ST18: variants seen among roughly 807,000 people sequenced by gnomAD.
The protein encoded by ST18 is ST18 C2H2C-type zinc finger transcription factor.
ST18 carries 50 observed loss-of-function variants against 110.0 expected under a neutral mutation model. The ratio of observed to expected loss-of-function variants is 0.45; its 90% CI spans 0.36 to 0.58. The LOEUF is 0.58. ST18 is among the 20% of genes least tolerant of loss of function. The probability of loss-of-function intolerance (pLI) is 0.00; values close to 1 mark genes in which losing one functional copy is unlikely to be tolerated. For synonymous variants in ST18, 461 were observed against 452.4 expected (o/e 1.02, Z -0.24); for missense variants, 1,306 against 1,280.1 (o/e 1.02, Z -0.31).
intron 16 of ST18, among the ~76,000 whole-genome samples, chr8:52,148,836 T>C (rs919471343): frequency 2.0e-5 from 3 of 152,070 alleles, no homozygotes; most frequent in South Asian, 2.1e-4. Context: ...TCAAATTAGA[T>C]CTCATCACCC....
chr8:52,390,326 T>C (rs1384081336), intron 2 of ST18, among the ~76,000 whole-genome samples: 1 of 152,116 alleles, frequency 6.6e-6, no homozygotes, highest in African/African-American at 2.4e-5. Context: ...TGAAAAGCAA[T>C]GAAGCCAGCA....
At chr8:52,349,715 T>C (rs1029652727) in intron 2 of ST18, among the ~76,000 whole-genome samples, 5 of 152,212 alleles carry the variant, frequency 3.3e-5, no homozygotes, top group Non-Finnish European at 7.3e-5. Context: ...ATCTAGGTTT[T>C]CTGTGTATCA....
intron 8 of ST18, among the ~76,000 whole-genome samples, chr8:52,196,502 T>C (rs1376429454): frequency 6.6e-6 from 1 of 152,158 alleles, no homozygotes; most frequent in African/African-American, 2.4e-5. Context: ...AGTCCCCCCT[T>C]GTCCGTGCTT....
chr8:52,254,880 G>A (rs1205546361), intron 2 of ST18, among the ~76,000 whole-genome samples: 1 of 152,116 alleles, frequency 6.6e-6, no homozygotes, highest in Non-Finnish European at 1.5e-5. Flanking sequence ...GAGTAATTAG[G>A]TGTAATTCCT....
chr8:52,165,733 A>G (rs2133405590), intron 11 of ST18, among the ~76,000 whole-genome samples: 1 of 152,344 alleles, frequency 6.6e-6, no homozygotes, highest in East Asian at 1.9e-4. Flanking sequence ...CCAGAGAACC[A>G]GTCTGAGGAA....
At position 52,230,092 on chromosome 8, in the gene ST18, C is replaced by A. The variant is rs557163572; in HGVS notation, c.-464-15G>T. ...TTCCATCACTCCTGAGGAAAAGCAT[C>A]GGAGGAGGAAAAATGGAAAGAAAAA... On this transcript the variant is annotated splice_polypyrimidine_tract_variant and intron_variant, in intron 2 of 25. Coordinates refer to ENST00000689386, the MANE Select transcript of ST18 (RefSeq NM_001352837.2). 21 of 152,278 alleles carry A rather than the reference C, an allele frequency of 1.4e-4. No individual in the cohort carries two copies. The highest frequency in any genetic ancestry group is 5.1e-4 in the African/African-American group (21 of 41,418). 9.4% of individuals were successfully genotyped at this position (152,278 alleles called of 1,614,324 possible).
chr8:52,159,193 CT>C, intron 14 of ST18, 84 bp from the exon 15 acceptor site: 1 of 1,287,844 alleles, frequency 7.8e-7, no homozygotes, highest in African/African-American at 1.5e-5. Context: ...AATGTAACTT[CT>C]TGCATTAAAA....
chr8:52,168,719 C>T (rs1227091505), intron 10 of ST18, among the ~76,000 whole-genome samples: 1 of 152,170 alleles, frequency 6.6e-6, no homozygotes, highest in Non-Finnish European at 1.5e-5. Context: ...CGATACTATT[C>T]TCTCTGCATT....
rs184594769 is a variant in ST18 at position 52,173,581 on chromosome 8, C to T, written c.278-998G>A. Among the ~76,000 whole-genome samples, 192 of 152,278 alleles carry T rather than the reference C, an allele frequency of 1.3e-3. 5 individuals are homozygous for T. Among genetic ancestry groups the T allele is most frequent in the Admixed American group, 0.012 (190 of 15,298 alleles). On this transcript the variant is annotated intron_variant, in intron 9 of 25. Transcript: ENST00000689386. ...CCCAAGCCTGTCCCAGTGCAAGACA[C>T]AGCAAGTGAGGGTGGATTCACAGGT...
intron 16 of ST18, among the ~76,000 whole-genome samples, chr8:52,148,491 G>A (rs376243617): frequency 1.1e-4 from 17 of 152,096 alleles, no homozygotes; most frequent in Non-Finnish European, 1.3e-4. Flanking sequence ...GTGCCTGTGC[G>A]TGCTACTCTG....
chr8:52,210,056 C>T (rs1486637502), intron 8 of ST18: 3 of 455,772 alleles, frequency 6.6e-6, no homozygotes, highest in African/African-American at 4.0e-5. Flanking sequence ...GACTTGGTTC[C>T]TTTAAAGGAC....
At chr8:52,309,722 G>T (rs2095873076) in intron 2 of ST18, among the ~76,000 whole-genome samples, 1 of 151,868 alleles carries the variant, frequency 6.6e-6, no homozygotes, top group Admixed American at 6.6e-5. Flanking sequence ...AACATGTAGG[G>T]TGTGGGTGGG....
At chr8:52,333,810 C>T (rs1264962593) in intron 2 of ST18, among the ~76,000 whole-genome samples, 1 of 152,188 alleles carries the variant, frequency 6.6e-6, no homozygotes, top group Non-Finnish European at 1.5e-5. Context: ...TGGGCCACGC[C>T]AAATAGAATA....
At chr8:52,390,275 C>T (rs536594111) in intron 2 of ST18, among the ~76,000 whole-genome samples, 2 of 152,236 alleles carry the variant, frequency 1.3e-5, no homozygotes, top group South Asian at 4.1e-4. Context: ...CAAACATTGA[C>T]TTTGTGCTGA....
intron 2 of ST18, among the ~76,000 whole-genome samples, chr8:52,375,201 A>G (rs912161105): frequency 6.6e-6 from 1 of 151,770 alleles, no homozygotes; most frequent in African/African-American, 2.4e-5. Flanking sequence ...TATCTCTCTC[A>G]TCTTAAAACC....
In ST18 at chr8:52,215,103, C is replaced by A. The variant is rs1246402521; in HGVS notation, c.1-846G>T. Among the ~76,000 whole-genome samples, 6 of 152,100 alleles carry A rather than the reference C, an allele frequency of 3.9e-5. No homozygotes were observed. The East Asian group carries it at 1.2e-3, about 29-fold the overall frequency. ...TTGCTTGTTGAAAATCAGAGGCAGGCAGAAGGTGCGCTCAGTGGCTCCCAT... is the reference window on the plus strand; with the variant it reads ...TTGCTTGTTGAAAATCAGAGGCAGGAAGAAGGTGCGCTCAGTGGCTCCCAT... On this transcript the variant is annotated intron_variant, in intron 6 of 25. Transcript: ENST00000689386.
chr8:52,228,370 C>G (rs2090220972), intron 3 of ST18, among the ~76,000 whole-genome samples: 1 of 152,140 alleles, frequency 6.6e-6, no homozygotes, highest in Non-Finnish European at 1.5e-5. Flanking sequence ...AACTATAACA[C>G]AGTCCCTAGT....
intron 2 of ST18, among the ~76,000 whole-genome samples, chr8:52,357,712 T>TAC (rs1192463880): frequency 1.4e-5 from 1 of 69,520 alleles, no homozygotes; most frequent in Non-Finnish European, 2.6e-5. Context: ...TATATATATA[T>TAC]ATATATATAT....
At chr8:52,396,680 T>A (rs1841247861) in intron 2 of ST18, among the ~76,000 whole-genome samples, 1 of 151,848 alleles carries the variant, frequency 6.6e-6, no homozygotes, top group Admixed American at 6.6e-5. Flanking sequence ...AAAAGCCCCA[T>A]AAAAAACCAT....
Sources: gnomAD v4.1 joint callset for allele counts (sites outside exome capture counted in the v4.1 genomes callset) on GRCh38, gnomAD v4.1.1 for gene constraint, MANE v1.5 for transcripts, NCBI Gene and HGNC (gene_info 2026-07-23, HGNC 2026-07-21) for gene names.